SOAT2: variants seen among roughly 807,000 people sequenced by gnomAD.
The protein encoded by SOAT2 is sterol O-acyltransferase 2.
A neutral mutation model predicts 76.0 loss-of-function variants in SOAT2; 87 were observed. The observed-to-expected ratio is 1.14, with a 90% confidence interval of 0.96 to 1.37. The LOEUF (loss-of-function observed/expected upper bound fraction) is 1.37, where lower values mean the gene tolerates loss of function less well. SOAT2 is among the 40% of genes most tolerant of loss of function. SOAT2 has a pLI of 0.00. For synonymous variants in SOAT2, 285 were observed against 275.4 expected, an observed-to-expected ratio of 1.03 and a Z score of -0.34; for missense variants, 686 against 682.1, an observed-to-expected ratio of 1.01 and a Z score of -0.06.
At chr12:53,122,304 CA>C (rs1227441934) in intron 12 of SOAT2, among the ~76,000 whole-genome samples, 1 of 148,542 alleles carries the variant, frequency 6.7e-6, no homozygotes, top group Non-Finnish European at 1.5e-5. Flanking sequence ...TCATCTGACA[CA>C]GCATTAGGTC....
chr12:53,114,630 A>G (rs2121285001), intron 5 of SOAT2, among the ~76,000 whole-genome samples: 1 of 152,208 alleles, frequency 6.6e-6, no homozygotes, highest in East Asian at 1.9e-4. Context: ...CTGAAGCAGG[A>G]TAATTGTTTG....
chr12:53,111,353 T>G (rs907211338), intron 5 of SOAT2, among the ~76,000 whole-genome samples: 1 of 151,600 alleles, frequency 6.6e-6, no homozygotes, highest in Admixed American at 6.6e-5. Flanking sequence ...ATGATCTGCC[T>G]GCCTCGGCCT....
chr12:53,121,499 TCA>T, intron 12 of SOAT2, 98 bp downstream of exon 12: 1 of 998,914 alleles, frequency 1.0e-6, no homozygotes, highest in Non-Finnish European at 1.6e-6. Flanking sequence ...ACTACACCAC[TCA>T]CCTAAGGGCC....
chr12:53,123,366 T>C (rs1383802853), intron 13 of SOAT2, 150 bp downstream of exon 13: 3 of 1,016,986 alleles, frequency 2.9e-6, no homozygotes, highest in Non-Finnish European at 4.4e-6. Context: ...AGGGGGTACT[T>C]GGAAAGCAGG....
Position 53,104,271 on chromosome 12 carries a change from G to C in SOAT2, c.138+65G>C, listed in dbSNP as rs1171251243. On this transcript the variant is annotated intron_variant, in intron 2 of 14. Coordinates refer to ENST00000301466, the MANE Select transcript of SOAT2 (RefSeq NM_003578.4). ...CTTGGTAGCAGGAAGCAGGAGTGAG[G>C]CTTGGTGATAAAGATGACTTTTTTT... The C allele has an allele frequency of 6.0e-6, 7 of 1,163,020 alleles. No homozygotes were observed. The Admixed American group carries it at 1.0e-4, about 17-fold the overall frequency. The allele number at this position is 1,163,020 out of a possible 1,614,324, so 72.0% of individuals were successfully genotyped here.
chr12:53,107,757 G>T (rs1339681662), intron 5 of SOAT2, among the ~76,000 whole-genome samples: 1 of 151,614 alleles, frequency 6.6e-6, no homozygotes, highest in African/African-American at 2.4e-5. Context: ...TGAGTAGCTG[G>T]GACTACAGGC....
At chr12:53,121,490 C>A in intron 12 of SOAT2, 89 bp downstream of exon 12, 1 of 1,079,160 alleles carries the variant, frequency 9.3e-7, no homozygotes, top group Non-Finnish European at 1.4e-6. Flanking sequence ...AGTGTGGCAA[C>A]TACACCACTC....
chr12:53,121,575 G>A (rs561674665), intron 12 of SOAT2, among the ~76,000 whole-genome samples, 174 bp downstream of exon 12: 18 of 152,148 alleles, frequency 1.2e-4, no homozygotes, highest in African/African-American at 4.1e-4. Flanking sequence ...TGGGTAGAAA[G>A]TCCTTGCAAT....
At chr12:53,121,485 G>A (rs1938188648) in intron 12 of SOAT2, 84 bp downstream of exon 12, 7 of 1,139,982 alleles carry the variant, frequency 6.1e-6, no homozygotes, top group Non-Finnish European at 9.2e-6. Flanking sequence ...GCTACAGTGT[G>A]GCAACTACAC....
chr12:53,108,601 A>G (rs1010578274), intron 5 of SOAT2, among the ~76,000 whole-genome samples: 2 of 152,230 alleles, frequency 1.3e-5, no homozygotes, highest in African/African-American at 4.8e-5. Context: ...AAAGCAAAAC[A>G]AAGGACTAGC....
At chr12:53,105,860 A>T in intron 4 of SOAT2, 47 bp from the exon 5 acceptor site, 1 of 1,126,396 alleles carries the variant, frequency 8.9e-7, no homozygotes, top group African/African-American at 3.7e-5. Flanking sequence ...AGTTCACACA[A>T]CCCTGAGGAC....
chr12:53,119,364 T>C (rs822683), intron 10 of SOAT2, 111 bp downstream of exon 10: 276,446 of 1,179,634 alleles, frequency 0.23, 39,400 homozygotes, highest in African/African-American at 0.63. Context: ...TCTGAGTCTC[T>C]CCTCACATCT....
chr12:53,103,909 T>C (rs565342409), intron 1 of SOAT2, among the ~76,000 whole-genome samples: 1 of 152,286 alleles, frequency 6.6e-6, no homozygotes, highest in East Asian at 1.9e-4. Context: ...ATGGAGTAGC[T>C]TCCCATTCCC....
rs560164423 is a variant in SOAT2, at chr12:53,115,770, G to A, written c.708+116G>A. 21 of 1,265,826 alleles carry A rather than the reference G, an allele frequency of 1.7e-5. No homozygotes were observed. The African/African-American group carries it at 3.0e-4, about 18-fold the overall frequency. The allele number at this position is 1,265,826 out of a possible 1,614,324, so 78.4% of individuals were successfully genotyped here. A position where few individuals can be genotyped will look rare whatever the true frequency, so the allele number is the denominator to read the frequency against. ...CCACGAGAGGGAGGCGCTGGAGAAGGCATTGGCAGGGGCGGAGCTAGTTAC... is the reference window on the plus strand; with the variant it reads ...CCACGAGAGGGAGGCGCTGGAGAAGACATTGGCAGGGGCGGAGCTAGTTAC... On this transcript the variant is annotated intron_variant, in intron 6 of 14. Transcript: ENST00000301466.
rs375762800 is a variant in SOAT2, at chr12:53,104,101, G to A, written c.83-50G>A. On this transcript the variant is annotated intron_variant, in intron 1 of 14. Coordinates refer to ENST00000301466, the MANE Select transcript of SOAT2 (RefSeq NM_003578.4). The stretch of plus-strand genomic sequence containing the variant: ...CTGACCACAGGATGCCTCTGGGTCT[G>A]CAGAACCCCAATTCCTCCTGTTGAC... 9.8e-6 allele frequency: 15 copies of A among 1,537,756 alleles called. No homozygotes were observed. The African/African-American group carries it at 1.8e-4, about 18-fold the overall frequency.
intron 2 of SOAT2, 99 bp from the exon 3 acceptor site, chr12:53,105,008 C>T (rs1405484668): frequency 3.5e-6 from 4 of 1,153,468 alleles, no homozygotes. Context: ...TTAAAAAAAG[C>T]ACTGTGCCTG....
At chr12:53,105,667 G>T in intron 4 of SOAT2, 47 bp downstream of exon 4, 1 of 1,538,182 alleles carries the variant, frequency 6.5e-7, no homozygotes. Context: ...AAAGGGCTTT[G>T]GCTAGGGGTC....
chr12:53,123,420 C>T (rs1938225621), intron 13 of SOAT2, among the ~76,000 whole-genome samples: 1 of 151,994 alleles, frequency 6.6e-6, no homozygotes, highest in African/African-American at 2.4e-5. Context: ...TATCCTGGGG[C>T]ATGTGGGAGG....
At chr12:53,112,091 T>C (rs1938021129) in intron 5 of SOAT2, among the ~76,000 whole-genome samples, 1 of 152,232 alleles carries the variant, frequency 6.6e-6, no homozygotes, top group South Asian at 2.1e-4. Flanking sequence ...AGCCAGATCA[T>C]GTGAGGCTTT....
Sources: allele counts gnomAD v4.1 joint callset (sites outside exome capture counted in the v4.1 genomes callset), GRCh38; gene constraint gnomAD v4.1.1; transcripts MANE v1.5; gene names NCBI Gene and HGNC (gene_info 2026-07-23, HGNC 2026-07-21).